The following CEP128 variants were observed in gnomAD, a reference collection of about 807,000 sequenced individuals.
The protein encoded by CEP128 is centrosomal protein 128kDa.
Under a neutral mutation model 156.7 loss-of-function variants are expected in CEP128, and 132 were observed. The ratio of observed to expected loss-of-function variants is 0.84; its 90% CI spans 0.73 to 0.97. The LOEUF (loss-of-function observed/expected upper bound fraction) is 0.97. Among genes scored for constraint, CEP128 ranks in the 50% least tolerant of loss-of-function variants. The pLI is 0.00. For missense variants in CEP128, 1,252 were observed against 1,281.9 expected (o/e 0.98, Z 0.36); for synonymous variants, 469 against 448.9 (o/e 1.04, Z -0.57).
intron 19 of CEP128, among the ~76,000 whole-genome samples, chr14:80,647,078 TATATATATAC>T (rs1170910333): frequency 1.7e-5 from 1 of 57,900 alleles, no homozygotes. Context: ...TATATATATA[TATATATATAC>T]ACCCTTATAA....
intron 1 of CEP128, among the ~76,000 whole-genome samples, chr14:80,940,997 T>C (rs1010706951): frequency 2.0e-5 from 3 of 152,188 alleles, no homozygotes; most frequent in Non-Finnish European, 2.9e-5. Context: ...CATAACAGAT[T>C]GGCTCCATCA....
intron 19 of CEP128, among the ~76,000 whole-genome samples, chr14:80,698,473 C>G (rs969165678): frequency 6.6e-6 from 1 of 152,048 alleles, no homozygotes; most frequent in Non-Finnish European, 1.5e-5. Flanking sequence ...GTACTATGTC[C>G]ATTTTAGAAA....
At chr14:80,837,513 C>G in intron 11 of CEP128, among the ~76,000 whole-genome samples, 1 of 152,082 alleles carries the variant, frequency 6.6e-6, no homozygotes, top group Non-Finnish European at 1.5e-5. Flanking sequence ...GTCAGGAGAT[C>G]GAGAACATCC....
intron 19 of CEP128, among the ~76,000 whole-genome samples, chr14:80,665,393 T>A (rs1428476128): frequency 6.6e-6 from 1 of 152,172 alleles, no homozygotes; most frequent in Non-Finnish European, 1.5e-5. Flanking sequence ...AGGCAGAGAC[T>A]GAAAGGGAAA....
At chr14:80,749,305 T>A (rs531987230) in intron 18 of CEP128, among the ~76,000 whole-genome samples, 1 of 152,144 alleles carries the variant, frequency 6.6e-6, no homozygotes, top group South Asian at 2.1e-4. Flanking sequence ...AGAAAGGAAA[T>A]CAGGATAGCG....
At chr14:80,607,174 C>A (rs182336913) in intron 19 of CEP128, among the ~76,000 whole-genome samples, 1 of 151,690 alleles carries the variant, frequency 6.6e-6, no homozygotes. Flanking sequence ...TACATATTTA[C>A]GTAAATCTAT....
chr14:80,593,269 G>A (rs557432579), intron 19 of CEP128, among the ~76,000 whole-genome samples: 24 of 152,032 alleles, frequency 1.6e-4, no homozygotes, highest in Non-Finnish European at 2.8e-4. Flanking sequence ...GTTGTCGGCC[G>A]GGTGAGGTGG....
intron 18 of CEP128, among the ~76,000 whole-genome samples, chr14:80,755,566 T>C (rs1236193414): frequency 6.6e-6 from 1 of 152,214 alleles, no homozygotes; most frequent in Non-Finnish European, 1.5e-5. Flanking sequence ...CAGAACAAAT[T>C]CATTTGGTAG....
At chr14:80,714,129 T>A (rs184229623) in intron 19 of CEP128, among the ~76,000 whole-genome samples, 134 of 152,324 alleles carry the variant, frequency 8.8e-4, no homozygotes, top group African/African-American at 3.1e-3. Context: ...ATAGCAGAAG[T>A]GAGCAGTTAT....
In CEP128 at chr14:80,876,399, C is replaced by G. The variant is rs372728063; in HGVS notation, c.646-13526G>C. On this transcript the variant is annotated intron_variant, in intron 8 of 24. Transcript: ENST00000555265. ...GATCACAAGGTCAGGAGATCGAGAC[C>G]ATCCTGGCTAACATGATGAAACCCC... 1.6e-4 allele frequency among the ~76,000 whole-genome samples: 24 copies of G among 152,054 alleles called. 4 individuals are homozygous for G. Among genetic ancestry groups the G allele is most frequent in the Admixed American group, 8.5e-4 (13 of 15,272 alleles).
At chr14:80,642,184 C>T (rs1366951256) in intron 19 of CEP128, among the ~76,000 whole-genome samples, 1 of 151,578 alleles carries the variant, frequency 6.6e-6, no homozygotes, top group African/African-American at 2.4e-5. Context: ...GCAGTAGTTA[C>T]AGAGGGGACT....
chr14:80,955,359 C>A, intron 2 of CEP128: 7 of 418,194 alleles, frequency 1.7e-5, no homozygotes, highest in South Asian at 1.3e-4. Flanking sequence ...GGTGGGGGGG[C>A]GGGCTGGAAA....
intron 21 of CEP128, among the ~76,000 whole-genome samples, chr14:80,546,565 A>T (rs1889994204): frequency 6.6e-6 from 1 of 152,216 alleles, no homozygotes; most frequent in Admixed American, 6.5e-5. Context: ...TTGGAAAAGA[A>T]GATGTAAAGG....
intron 1 of CEP128, among the ~76,000 whole-genome samples, chr14:80,958,919 A>G (rs968358170): frequency 1.8e-4 from 28 of 152,188 alleles, no homozygotes; most frequent in Non-Finnish European, 3.8e-4. Flanking sequence ...AGTTATTTGC[A>G]TTACTTCTGC....
chr14:80,516,396 A>G (rs899350449), intron 23 of CEP128, among the ~76,000 whole-genome samples: 4 of 152,106 alleles, frequency 2.6e-5, no homozygotes, highest in Non-Finnish European at 5.9e-5. Flanking sequence ...TGAAGAAAGG[A>G]GTGTCTCCTG....
chr14:80,776,716 A>G (rs893186728), intron 16 of CEP128, among the ~76,000 whole-genome samples: 3 of 151,958 alleles, frequency 2.0e-5, no homozygotes, highest in Non-Finnish European at 4.4e-5. Context: ...TTGAGCACAT[A>G]CGTGCATTCA....
intron 19 of CEP128, among the ~76,000 whole-genome samples, chr14:80,682,385 A>G (rs1025352364): frequency 2.0e-5 from 3 of 152,216 alleles, no homozygotes; most frequent in African/African-American, 7.2e-5. Context: ...ACCCAGTCAG[A>G]CAAACATAAG....
intron 17 of CEP128, among the ~76,000 whole-genome samples, chr14:80,760,771 C>T (rs1899923485): frequency 6.6e-6 from 1 of 152,070 alleles, no homozygotes. Flanking sequence ...GTTTATTTAT[C>T]ATTTTACTAT....
intron 13 of CEP128, among the ~76,000 whole-genome samples, chr14:80,824,129 T>A (rs892922121): frequency 6.6e-6 from 1 of 152,316 alleles, no homozygotes; most frequent in Admixed American, 6.5e-5. Flanking sequence ...GAGCTCTACA[T>A]TGGCCCCTTT....
Sources: gnomAD v4.1 joint callset for allele counts (sites outside exome capture counted in the v4.1 genomes callset) on GRCh38, gnomAD v4.1.1 for gene constraint, MANE v1.5 for transcripts, NCBI Gene and HGNC (gene_info 2026-07-23, HGNC 2026-07-21) for gene names.